The following FBXW2 variants were observed in gnomAD, a reference collection of about 807,000 sequenced individuals.
FBXW2 encodes the protein F-box and WD repeat domain containing 2, also known as F-box/WD repeat-containing protein 2.
FBXW2 carries 12 observed loss-of-function variants against 46.0 expected under a neutral mutation model. The ratio of observed to expected loss-of-function variants is 0.26; its 90% CI spans 0.17 to 0.42. The LOEUF (loss-of-function observed/expected upper bound fraction) is 0.42. FBXW2 is among the 10% of genes least tolerant of loss of function. FBXW2 has a pLI of 1.00. For missense variants in FBXW2, 360 were observed against 537.0 expected, an observed-to-expected ratio of 0.67 and a Z score of 3.26; for synonymous variants, 203 against 209.6, an observed-to-expected ratio of 0.97 and a Z score of 0.27.
rs766776862 is a variant in FBXW2 at position 120,764,760 on chromosome 9, G to A, written c.1164C>T (p.Tyr388=). ...FALLFDNRYL[Y]IMDLRTESLI... ...GGCTCTCTGTCCGCAAGTCCATGAT[G>A]TACAGGTAGCGGTTGTCAAACAGCA... Residue 388 remains tyrosine (Y), a synonymous_variant, in exon 8 of 8, where the codon TAC becomes TAT. Coordinates refer to ENST00000608872, the MANE Select transcript of FBXW2 (RefSeq NM_012164.4). The A allele has an allele frequency of 5.1e-5, 83 of 1,613,988 alleles. No individual in the cohort carries two copies. Among genetic ancestry groups the A allele is most frequent in the Admixed American group, 2.2e-4 (13 of 60,000 alleles).
rs1220768162 is a variant in FBXW2 at position 120,793,257 on chromosome 9, C to G, written c.-129G>C. The G allele has an allele frequency of 2.2e-6, 1 of 464,972 alleles. No individual in the cohort carries two copies. Among genetic ancestry groups the G allele is most frequent in the Non-Finnish European group, 3.8e-6 (1 of 264,576 alleles). 28.8% of individuals were successfully genotyped at this position (464,972 alleles called of 1,614,324 possible). ...CCGGGTCCGCTCCGCAGCCATGGCGCCTGCAGGGAAAGAAAAACAGCCAAG... is the reference window on the plus strand; with the variant it reads ...CCGGGTCCGCTCCGCAGCCATGGCGGCTGCAGGGAAAGAAAAACAGCCAAG... On this transcript the variant is annotated splice_region_variant and 5_prime_UTR_variant, in exon 2 of 8. Coordinates refer to ENST00000608872, the MANE Select transcript of FBXW2 (RefSeq NM_012164.4).
At chr9:120,787,675 C>G (rs1485341655) in intron 3 of FBXW2, 94 bp downstream of exon 3, 1 of 1,364,066 alleles carries the variant, frequency 7.3e-7, no homozygotes, top group Non-Finnish European at 1.0e-6. Flanking sequence ...CTCATATAAT[C>G]AACACTTGTC....
At chr9:120,768,727 C>T (rs1018251873) in intron 7 of FBXW2, among the ~76,000 whole-genome samples, 5 of 151,906 alleles carry the variant, frequency 3.3e-5, no homozygotes, top group African/African-American at 1.2e-4. Flanking sequence ...GAGGCTGAGG[C>T]AGGAGAATCG....
rs920294702 is a variant in FBXW2, at chr9:120,787,778, G to T, written c.481C>A (p.Leu161Ile). ...VYALYYKDGL[L>I]CTGSDDLSAK... is the part of the protein sequence containing the mutation. ...TTTCAACATCTCTTACCTGTACAGA[G>T]AAGTCCATCTTTGTAGTAAAGTGCA... The change falls in exon 3 of 8, where the codon CTC (leucine) becomes ATC (isoleucine). Residue 161 changes from leucine to isoleucine, a missense_variant. Physicochemically the swap from Leu to Ile is conservative, Grantham distance 5. Coordinates refer to ENST00000608872, the MANE Select transcript of FBXW2 (RefSeq NM_012164.4). 1 of 1,613,050 alleles carries T rather than the reference G, an allele frequency of 6.2e-7. No individual in the cohort carries two copies. The highest frequency in any genetic ancestry group is 1.3e-5 in the African/African-American group (1 of 74,812).
intron 2 of FBXW2, among the ~76,000 whole-genome samples, chr9:120,788,834 G>C (rs1337167426): frequency 1.3e-5 from 2 of 152,178 alleles, no homozygotes; most frequent in East Asian, 1.9e-4. Context: ...TTTTGCAACA[G>C]ATGTTCAGAT....
chr9:120,760,873 GA>G lies in FBXW2; in HGVS notation c.*3685del, dbSNP rs948173998. On this transcript the variant is annotated 3_prime_UTR_variant, in exon 8 of 8. Transcript: ENST00000608872. The stretch of plus-strand genomic sequence containing the variant: ...TTATTTCTTTTGTTTTACAAATAGA[GA>G]GCAGTAATCATTTTCCTATGAATAC... The G allele has an allele frequency of 6.6e-6, 1 of 152,148 alleles. No individual in the cohort carries two copies. The highest frequency in any genetic ancestry group is 2.4e-5 in the African/African-American group (1 of 41,442). The allele number at this position is 152,148 out of a possible 1,614,324, so 9.4% of individuals were successfully genotyped here. A position where few individuals can be genotyped will look rare whatever the true frequency, so the allele number is the denominator to read the frequency against.
rs1391186373 is a variant in FBXW2 at position 120,764,448 on chromosome 9, A to G, written c.*111T>C. ...TAGATAAATGATTGTGCACTGCGTG[A>G]TGATACCATTAGGTGAGAACTTTGG... On this transcript the variant is annotated 3_prime_UTR_variant, in exon 8 of 8. Coordinates refer to ENST00000608872, the MANE Select transcript of FBXW2 (RefSeq NM_012164.4). 6.1e-5 allele frequency: 75 copies of G among 1,220,952 alleles called. 2 individuals carry two copies. In the South Asian group the frequency reaches 8.8e-4, roughly 14 times the overall value. 75.6% of individuals were successfully genotyped at this position (1,220,952 alleles called of 1,614,324 possible). A position where few individuals can be genotyped will look rare whatever the true frequency, so the allele number is the denominator to read the frequency against.
chr9:120,780,960 G>C (rs1315031528), intron 3 of FBXW2, among the ~76,000 whole-genome samples: 1 of 151,980 alleles, frequency 6.6e-6, no homozygotes, highest in Non-Finnish European at 1.5e-5. Context: ...TGGCATGATT[G>C]GTTCTTCAAC....
At chr9:120,767,818 G>A (rs779133236) in intron 7 of FBXW2, among the ~76,000 whole-genome samples, 4 of 152,034 alleles carry the variant, frequency 2.6e-5, no homozygotes, top group Non-Finnish European at 5.9e-5. Context: ...TCACAAATTC[G>A]ATCACCAAGC....
chr9:120,771,294 A>G (rs2044369939), intron 7 of FBXW2, 54 bp downstream of exon 7: 8 of 1,520,418 alleles, frequency 5.3e-6, no homozygotes, highest in Non-Finnish European at 5.4e-6. Context: ...TGTCTTTACT[A>G]CTGAACTGCA....
At chr9:120,780,277 G>C (rs2044583299) in intron 3 of FBXW2, among the ~76,000 whole-genome samples, 2 of 151,238 alleles carry the variant, frequency 1.3e-5, no homozygotes, top group Admixed American at 6.6e-5. Flanking sequence ...AGAATCACTT[G>C]AACCCGGGAG....
rs1242571939 is a variant in FBXW2 at position 120,793,256 on chromosome 9, G to C, written c.-128C>G. 2.1e-6 allele frequency: 1 copy of C among 466,794 alleles called. No homozygotes were observed. Among genetic ancestry groups the C allele is most frequent in the Admixed American group, 4.0e-5 (1 of 24,696 alleles). The allele number at this position is 466,794 out of a possible 1,614,324, so 28.9% of individuals were successfully genotyped here. On this transcript the variant is annotated splice_region_variant and 5_prime_UTR_variant, in exon 2 of 8. Transcript: ENST00000608872. ...GCCGGGTCCGCTCCGCAGCCATGGC[G>C]CCTGCAGGGAAAGAAAAACAGCCAA...
In FBXW2 at chr9:120,778,339, A is replaced by G; in HGVS notation, c.685+12T>C. ...GCTAAGTTGTAAAAACCCTTGAAAA[A>G]GGGCAACCCACCCGCCCCCGTGTGC... On this transcript the variant is annotated intron_variant, in intron 4 of 7. Transcript: ENST00000608872. 6.2e-7 allele frequency: 1 copy of G among 1,603,530 alleles called. No individual in the cohort carries two copies. The highest frequency in any genetic ancestry group is 8.5e-7 in the Non-Finnish European group (1 of 1,175,580).
intron 6 of FBXW2, 101 bp from the exon 7 acceptor site, chr9:120,771,618 G>T: frequency 9.5e-7 from 1 of 1,057,456 alleles, no homozygotes; most frequent in Non-Finnish European, 1.3e-6. Context: ...AGAAAGTGAA[G>T]TATACTGGAA....
chr9:120,793,325 C>T (rs1184919658), intron 1 of FBXW2, 29 bp downstream of exon 1: 1 of 429,688 alleles, frequency 2.3e-6, no homozygotes, highest in Non-Finnish European at 4.1e-6. Flanking sequence ...AGAGTCCCCT[C>T]CCCGACCGGC....
chr9:120,765,658 T>A (rs1175232161), intron 7 of FBXW2, among the ~76,000 whole-genome samples: 1 of 152,180 alleles, frequency 6.6e-6, no homozygotes, highest in Non-Finnish European at 1.5e-5. Context: ...GAAAGCCAAG[T>A]GACTAAAGTG....
At chr9:120,781,939 C>T (rs1262368836) in intron 3 of FBXW2, among the ~76,000 whole-genome samples, 1 of 150,748 alleles carries the variant, frequency 6.6e-6, no homozygotes, top group Non-Finnish European at 1.5e-5. Context: ...AGAAGAATTG[C>T]TTGAACCCGG....
rs566492354 is a variant in FBXW2, at chr9:120,763,284, G to A, written c.*1275C>T. ...TTTTACTCATTTATGTTACCTGCAC[G>A]GCTCCCTTAGGCATTTGGGTTTGTG... On this transcript the variant is annotated 3_prime_UTR_variant, in exon 8 of 8. Coordinates refer to ENST00000608872, the MANE Select transcript of FBXW2 (RefSeq NM_012164.4). The A allele has an allele frequency of 7.2e-5, 11 of 152,228 alleles. No homozygotes were observed. The highest frequency in any genetic ancestry group is 1.5e-4 in the Non-Finnish European group (10 of 68,004). 9.4% of individuals were successfully genotyped at this position (152,228 alleles called of 1,614,324 possible).
Position 120,771,508 on chromosome 9 carries a change from T to C in FBXW2, c.916A>G (p.Ile306Val), listed in dbSNP as rs1169389502. The C allele has an allele frequency of 8.1e-6, 13 of 1,610,636 alleles. No homozygotes were observed. Among genetic ancestry groups the C allele is most frequent in the African/African-American group, 2.7e-5 (2 of 74,676 alleles). ...ADKYEIKIWPIGREINCKCLK... is the reference protein window; with the variant it reads ...ADKYEIKIWPVGREINCKCLK... ...CACTTACAGTTGATTTCTCTCCCAA[T>C]TGGCCAAATCTACAGAAAAAAGAAA... The change falls in exon 7 of 8, where the codon ATT becomes GTT. Residue 306 changes from isoleucine to valine, a missense_variant. By Grantham distance (29) the Ile-to-Val change is conservative. Transcript: ENST00000608872.
Sources: gnomAD v4.1 joint callset for allele counts (sites outside exome capture counted in the v4.1 genomes callset) on GRCh38, gnomAD v4.1.1 for gene constraint, MANE v1.5 for transcripts, NCBI Gene and HGNC (gene_info 2026-07-23, HGNC 2026-07-21) for gene names.